The following WWOX variants were observed in gnomAD, a reference collection of about 807,000 sequenced individuals.
WWOX encodes the protein WW domain containing oxidoreductase, also known as WW domain-containing oxidoreductase.
WWOX carries 69 observed loss-of-function variants against 46.2 expected under a neutral mutation model. That is an observed-to-expected ratio of 1.49 (90% CI 1.23 to 1.82). WWOX has a LOEUF of 1.82. Ranked by LOEUF, WWOX falls within the 40% of genes most tolerant of loss-of-function variation. The pLI is 0.00. For synonymous variants in WWOX, 359 were observed against 202.6 expected, an observed-to-expected ratio of 1.77 and a Z score of -6.56; for missense variants, 919 against 542.6, an observed-to-expected ratio of 1.69 and a Z score of -6.89.
At chr16:78,492,698 A>T (rs773346012) in intron 8 of WWOX, among the ~76,000 whole-genome samples, 41 of 152,196 alleles carry the variant, frequency 2.7e-4, no homozygotes, top group Non-Finnish European at 2.4e-4. Context: ...TGTGCTCTGG[A>T]TAATTCTCAA....
At chr16:78,508,479 G>C (rs2085273505) in intron 8 of WWOX, among the ~76,000 whole-genome samples, 1 of 152,102 alleles carries the variant, frequency 6.6e-6, no homozygotes, top group South Asian at 2.1e-4. Context: ...GCAAGACGTA[G>C]CTAATTGCTC....
intron 8 of WWOX, among the ~76,000 whole-genome samples, chr16:78,470,770 T>C (rs2738678): frequency 0.43 from 65,298 of 151,646 alleles, 18,065 homozygotes; most frequent in African/African-American, 0.8. Context: ...CTCAGGTGAT[T>C]GACCTACCTC....
At chr16:78,513,455 C>G (rs907509722) in intron 8 of WWOX, among the ~76,000 whole-genome samples, 25 of 152,142 alleles carry the variant, frequency 1.6e-4, no homozygotes, top group African/African-American at 6.0e-4. Flanking sequence ...CCTTGAGACT[C>G]CTTCAATGGG....
chr16:78,356,071 TAAAAAAAAA>T (rs61113878), intron 5 of WWOX, among the ~76,000 whole-genome samples: 7 of 76,142 alleles, frequency 9.2e-5, no homozygotes, highest in African/African-American at 3.2e-4. Flanking sequence ...TTTTTTTTCC[TAAAAAAAAA>T]AAAAAAAAAA....
At chr16:79,044,249 G>A (rs190414958) in intron 8 of WWOX, among the ~76,000 whole-genome samples, 3 of 152,186 alleles carry the variant, frequency 2.0e-5, no homozygotes, top group Non-Finnish European at 4.4e-5. Flanking sequence ...ATCAAAATCC[G>A]TCGTTGAAAG....
chr16:78,726,186 CTCTT>C (rs1242131455), intron 8 of WWOX, among the ~76,000 whole-genome samples: 1 of 146,302 alleles, frequency 6.8e-6, no homozygotes, highest in African/African-American at 2.5e-5. Context: ...CTCTCTCTCT[CTCTT>C]TCCTTCCTTC....
At chr16:78,753,174 C>G (rs1038683662) in intron 8 of WWOX, among the ~76,000 whole-genome samples, 21 of 152,112 alleles carry the variant, frequency 1.4e-4, no homozygotes, top group African/African-American at 4.6e-4. Context: ...GGGGCAGGCG[C>G]CTGTAATCCC....
chr16:79,077,837 C>A (rs1281511935), intron 8 of WWOX: 1 of 152,074 alleles, frequency 6.6e-6, no homozygotes, highest in Non-Finnish European at 1.5e-5. Context: ...GCAAAGAAGT[C>A]CTGTGCAAGG....
intron 8 of WWOX, among the ~76,000 whole-genome samples, chr16:79,086,769 G>C (rs910563970): frequency 6.6e-6 from 1 of 152,218 alleles, no homozygotes; most frequent in Admixed American, 6.5e-5. Context: ...TGTAGTCCTA[G>C]CTATGTAGGA....
At chr16:79,116,530 C>G (rs971779820) in intron 8 of WWOX, among the ~76,000 whole-genome samples, 1 of 152,194 alleles carries the variant, frequency 6.6e-6, no homozygotes, top group Non-Finnish European at 1.5e-5. Context: ...CTTTGCTCAT[C>G]TCTAAGAAGC....
chr16:78,816,978 G>A (rs2051347370), intron 8 of WWOX, among the ~76,000 whole-genome samples: 1 of 152,040 alleles, frequency 6.6e-6, no homozygotes, highest in Non-Finnish European at 1.5e-5. Context: ...TTGGGCCTGA[G>A]CTATTGCCCA....
At chr16:78,748,685 G>C (rs1370605195) in intron 8 of WWOX, among the ~76,000 whole-genome samples, 2 of 152,184 alleles carry the variant, frequency 1.3e-5, no homozygotes, top group African/African-American at 4.8e-5. Flanking sequence ...GCTTATTTGA[G>C]GTGCTGTCAG....
At chr16:78,404,288 G>A (rs1048910206) in intron 6 of WWOX, among the ~76,000 whole-genome samples, 3 of 152,092 alleles carry the variant, frequency 2.0e-5, no homozygotes, top group South Asian at 2.1e-4. Context: ...ATTATTTTTC[G>A]GGGATTTTGT....
At chr16:78,205,118 A>G (rs2036351125) in intron 5 of WWOX, among the ~76,000 whole-genome samples, 1 of 152,198 alleles carries the variant, frequency 6.6e-6, no homozygotes, top group Admixed American at 6.5e-5. Flanking sequence ...GTTGGATATT[A>G]AAGAACTCTG....
intron 6 of WWOX, among the ~76,000 whole-genome samples, chr16:78,413,682 G>A (rs2082732843): frequency 6.6e-6 from 1 of 151,816 alleles, no homozygotes; most frequent in Non-Finnish European, 1.5e-5. Context: ...TGATGGCTTA[G>A]CCTGGGCTCA....
rs2080649509 is a variant in WWOX at position 78,327,432 on chromosome 16, A to T, written c.517-59428A>T. 3.9e-5 allele frequency among the ~76,000 whole-genome samples: 6 copies of T among 152,088 alleles called. No homozygotes were observed. In the South Asian group the frequency reaches 1.2e-3, roughly 32 times the overall value. ...GGACTCTCCAAGCCCCAGTACCCTC[A>T]GTGTGGAAGGAGAAAGCATGACCCA... On this transcript the variant is annotated intron_variant, in intron 5 of 8. Transcript: ENST00000566780.
At chr16:78,729,551 C>T (rs977039711) in intron 8 of WWOX, among the ~76,000 whole-genome samples, 2 of 151,964 alleles carry the variant, frequency 1.3e-5, no homozygotes, top group Non-Finnish European at 2.9e-5. Flanking sequence ...TGTGCATCCA[C>T]AAGCTCAGAT....
intron 8 of WWOX, among the ~76,000 whole-genome samples, chr16:79,119,681 G>A (rs985174894): frequency 6.6e-6 from 1 of 152,184 alleles, no homozygotes; most frequent in Non-Finnish European, 1.5e-5. Context: ...CCAGCCGGGA[G>A]GACAGTATGC....
At chr16:78,490,337 G>A (rs1057387756) in intron 8 of WWOX, among the ~76,000 whole-genome samples, 1 of 152,062 alleles carries the variant, frequency 6.6e-6, no homozygotes, top group African/African-American at 2.4e-5. Flanking sequence ...GGTACAATCA[G>A]TCTATTTTAA....
Sources: allele counts gnomAD v4.1 joint callset (sites outside exome capture counted in the v4.1 genomes callset), GRCh38; gene constraint gnomAD v4.1.1; transcripts MANE v1.5; gene names NCBI Gene and HGNC (gene_info 2026-07-23, HGNC 2026-07-21).